The following CDC20B variants were observed in gnomAD, a reference collection of about 807,000 sequenced individuals.
CDC20B encodes the protein cell division cycle protein 20 homolog B.
CDC20B carries 58 observed loss-of-function variants against 64.1 expected under a neutral mutation model. That is an observed-to-expected ratio of 0.90 (90% CI 0.73 to 1.13). The LOEUF is 1.13. CDC20B is among the 50% of genes most tolerant of loss of function. CDC20B has a pLI of 0.00. For synonymous variants in CDC20B, 243 were observed against 230.6 expected (o/e 1.05, Z -0.49); for missense variants, 597 against 633.0 (o/e 0.94, Z 0.61).
chr5:55,160,359 A>G lies in CDC20B; in HGVS notation c.126+12229T>C, dbSNP rs774635719. 1.9e-5 allele frequency: 31 copies of G among 1,613,180 alleles called. No individual in the cohort carries two copies. Among genetic ancestry groups the G allele is most frequent in the Non-Finnish European group, 7.6e-6 (9 of 1,179,972 alleles). ...TATGCCTTTGAAGTGAAGGATGCAA[A>G]AGGAAGAACTGTTTCTCTGGAAAAG... On this transcript the variant is annotated intron_variant, in intron 2 of 11. Transcript: ENST00000381375.
rs6887333 is a variant in CDC20B at position 55,140,072 on chromosome 5, T to C, written c.580+242A>G. On this transcript the variant is annotated intron_variant, in intron 5 of 11. Transcript: ENST00000381375. ...AAGAAATAGTAGTTTACCAATATTATTTAGAAAATAGATGTAAATACCAGG... is the reference window on the plus strand; with the variant it reads ...AAGAAATAGTAGTTTACCAATATTACTTAGAAAATAGATGTAAATACCAGG... 3.8e-3 allele frequency among the ~76,000 whole-genome samples: 579 copies of C among 152,216 alleles called. 4 individuals carry two copies. The highest frequency in any genetic ancestry group is 0.013 in the African/African-American group (558 of 41,524).
intron 5 of CDC20B, chr5:55,137,751 G>C: frequency 2.2e-6 from 1 of 445,420 alleles, no homozygotes; most frequent in South Asian, 1.6e-5. Context: ...CTTTTTTAAG[G>C]GGTGAAGACA....
rs1742563914 is a variant in CDC20B at position 55,113,885 on chromosome 5, A to C, written c.*333T>G. The C allele has an allele frequency of 5.0e-6, 1 of 200,002 alleles. No individual in the cohort carries two copies. The highest frequency in any genetic ancestry group is 1.1e-4 in the South Asian group (1 of 8,702). The allele number at this position is 200,002 out of a possible 1,614,324, so 12.4% of individuals were successfully genotyped here. A position where few individuals can be genotyped will look rare whatever the true frequency, so the allele number is the denominator to read the frequency against. ...ATATGAGGTTTGGAGCTGGGGAGAA[A>C]AGTCATACGGGAAAGAAGTAGAAAT... On this transcript the variant is annotated 3_prime_UTR_variant, in exon 12 of 12. Coordinates refer to ENST00000381375, the MANE Select transcript of CDC20B (RefSeq NM_001170402.1).
At chr5:55,158,104 C>T (rs893128364) in intron 2 of CDC20B, among the ~76,000 whole-genome samples, 2 of 152,088 alleles carry the variant, frequency 1.3e-5, no homozygotes, top group Non-Finnish European at 2.9e-5. Flanking sequence ...CAAACTTAAA[C>T]GTGTGTATGT....
chr5:55,120,169 G>C (rs980618502), intron 10 of CDC20B, among the ~76,000 whole-genome samples: 1 of 152,110 alleles, frequency 6.6e-6, no homozygotes, highest in Admixed American at 6.5e-5. Flanking sequence ...GGAAGAGCCA[G>C]ATTACTCTCA....
chr5:55,140,386 C>T lies in CDC20B; in HGVS notation c.508G>A (p.Val170Ile), dbSNP rs372774365. 1.2e-6 allele frequency: 2 copies of T among 1,612,474 alleles called. No individual in the cohort carries two copies. The highest frequency in any genetic ancestry group is 1.7e-6 in the Non-Finnish European group (2 of 1,179,338). The part of the protein sequence containing the change: ...KGQKCLKQLF[V>I]TQNVVQQANG... ...GCCTGCTGAACCACGTTCTGGGTTA[C>T]AAAGAGTTGTTTTAGGCATTTCTGA... Residue 170 changes from valine (V) to isoleucine (I), a missense_variant, in exon 5 of 12, where the codon GTA (valine) becomes ATA (isoleucine). By Grantham distance (29) the Val-to-Ile change is conservative. Around this residue, in one of 3 missense-constraint regions of CDC20B, gnomAD observed 241 missense variants for 219.2 expected, o/e 1.10. Transcript: ENST00000381375.
rs1322880382 is a variant in CDC20B at position 55,146,619 on chromosome 5, G to C, written c.355+9C>G. On this transcript the variant is annotated intron_variant, in intron 3 of 11. Coordinates refer to ENST00000381375, the MANE Select transcript of CDC20B (RefSeq NM_001170402.1). ...GCAAAACGGGGCTGTGGCGTTTGGG[G>C]CACCTCACCTAGAGTCAAGGTCTCT... The C allele has an allele frequency of 6.2e-7, 1 of 1,603,896 alleles. No homozygotes were observed. Among genetic ancestry groups the C allele is most frequent in the Admixed American group, 1.7e-5 (1 of 59,848 alleles).
intron 9 of CDC20B, among the ~76,000 whole-genome samples, chr5:55,121,178 T>A (rs937355977): frequency 6.6e-6 from 1 of 152,188 alleles, no homozygotes; most frequent in South Asian, 2.1e-4. Context: ...TAACAAATAC[T>A]ACAGTTATAT....
chr5:55,149,666 G>C (rs1264342036), intron 2 of CDC20B, among the ~76,000 whole-genome samples: 1 of 152,214 alleles, frequency 6.6e-6, no homozygotes, highest in East Asian at 1.9e-4. Context: ...AAAATCCATA[G>C]GCGGAGAACA....
intron 2 of CDC20B, among the ~76,000 whole-genome samples, chr5:55,159,198 T>C (rs2111927701): frequency 6.6e-6 from 1 of 152,250 alleles, no homozygotes; most frequent in South Asian, 2.1e-4. Flanking sequence ...AATTCTTTTT[T>C]AGAGACAGGG....
intron 3 of CDC20B, among the ~76,000 whole-genome samples, chr5:55,144,053 A>G (rs1743406117): frequency 6.6e-6 from 1 of 151,846 alleles, no homozygotes; most frequent in East Asian, 1.9e-4. Context: ...ACAGTTCCAT[A>G]GTTTTAAATG....
intron 9 of CDC20B, among the ~76,000 whole-genome samples, chr5:55,121,825 CT>C (rs1742765527): frequency 6.6e-6 from 1 of 152,122 alleles, no homozygotes; most frequent in South Asian, 2.1e-4. Flanking sequence ...GAACTTTTTT[CT>C]GTGTATTTAT....
intron 5 of CDC20B, chr5:55,137,317 T>C (rs1169582134): frequency 6.1e-6 from 2 of 327,456 alleles, no homozygotes; most frequent in African/African-American, 2.1e-5. Flanking sequence ...AACACCACCA[T>C]CCAAAGTTTC....
chr5:55,146,722 A>G lies in CDC20B; in HGVS notation c.261T>C (p.Ser87=), dbSNP rs754055273. The change falls in exon 3 of 12, where the codon TCT becomes TCC. Residue 87 remains serine, a synonymous_variant. Transcript: ENST00000381375. ...TTGACTGCTCTTCCCCAAAGGAATC[A>G]GAGGACAGAGCCCTAGTTTGACTTT... The part of the protein sequence containing the change: ...WQQSQTRALS[S]DSFGEEQSTT... 1 of 1,614,200 alleles carries G rather than the reference A, an allele frequency of 6.2e-7. No individual in the cohort carries two copies. The highest frequency in any genetic ancestry group is 8.5e-7 in the Non-Finnish European group (1 of 1,180,046).
intron 2 of CDC20B, among the ~76,000 whole-genome samples, chr5:55,149,324 A>C (rs1743592834): frequency 6.6e-6 from 1 of 152,216 alleles, no homozygotes; most frequent in Non-Finnish European, 1.5e-5. Flanking sequence ...ATACCTCAAA[A>C]AGATAAACCT....
intron 11 of CDC20B, among the ~76,000 whole-genome samples, chr5:55,117,475 T>C (rs1742651267): frequency 6.6e-6 from 1 of 152,208 alleles, no homozygotes; most frequent in Non-Finnish European, 1.5e-5. Flanking sequence ...TCCTATACTA[T>C]TCTATTTCAC....
At position 55,171,261 on chromosome 5, in the gene CDC20B, C is replaced by T. The variant is rs147032015; in HGVS notation, c.126+1327G>A. ...CCGGGAGCTGGAGTTTGCAGTGAGC[C>T]GAGATTGCACCACTGCACTCCAACC... On this transcript the variant is annotated intron_variant, in intron 2 of 11. Transcript: ENST00000381375. 5.6e-3 allele frequency among the ~76,000 whole-genome samples: 855 copies of T among 152,078 alleles called. 10 individuals are homozygous for T. Among genetic ancestry groups the T allele is most frequent in the African/African-American group, 0.019 (789 of 41,490 alleles).
intron 2 of CDC20B, 101 bp from the exon 3 acceptor site, chr5:55,146,957 C>A: frequency 1.8e-6 from 1 of 561,940 alleles, no homozygotes; most frequent in South Asian, 3.1e-5. Context: ...AGTACAACAC[C>A]AATAAAATAT....
chr5:55,162,615 A>G (rs892170622), intron 2 of CDC20B, among the ~76,000 whole-genome samples: 1 of 152,246 alleles, frequency 6.6e-6, no homozygotes, highest in Non-Finnish European at 1.5e-5. Flanking sequence ...ATTTCTAGGG[A>G]AAGTTGATAT....
Sources: allele counts gnomAD v4.1 joint callset (sites outside exome capture counted in the v4.1 genomes callset), GRCh38; gene constraint gnomAD v4.1.1; regional missense constraint gnomAD v4.1.1; transcripts MANE v1.5; gene names NCBI Gene and HGNC (gene_info 2026-07-23, HGNC 2026-07-21).